The following TPO variants were observed in gnomAD, a reference collection of about 807,000 sequenced individuals.
TPO encodes thyroid peroxidase, also known as thyroid microsomal antigen.
Under a neutral mutation model 96.9 loss-of-function variants are expected in TPO, and 78 were observed. The ratio of observed to expected loss-of-function variants is 0.81; its 90% CI spans 0.67 to 0.97. The LOEUF is 0.97. TPO is among the 50% of genes least tolerant of loss of function. TPO has a pLI of 0.00. For synonymous variants in TPO, 547 were observed against 538.0 expected (o/e 1.02, Z -0.23); for missense variants, 1,252 against 1,274.8 (o/e 0.98, Z 0.27).
At chr2:1,510,447 G>A (rs984887035) in intron 14 of TPO, among the ~76,000 whole-genome samples, 8 of 152,124 alleles carry the variant, frequency 5.3e-5, no homozygotes, top group African/African-American at 1.9e-4. Flanking sequence ...TTCTACTGCT[G>A]TACTCCAGCT....
At chr2:1,495,688 T>A (rs542157781) in intron 11 of TPO, among the ~76,000 whole-genome samples, 3 of 152,194 alleles carry the variant, frequency 2.0e-5, no homozygotes, top group Non-Finnish European at 4.4e-5. Flanking sequence ...CTCCTTCGGG[T>A]CCTCAGTACC....
intron 10 of TPO, among the ~76,000 whole-genome samples, chr2:1,488,512 G>A (rs1014437183): frequency 6.6e-6 from 1 of 151,986 alleles, no homozygotes; most frequent in Non-Finnish European, 1.5e-5. Flanking sequence ...CCTTTCCCAG[G>A]CCCCACCCGG....
chr2:1,433,355 A>C (rs1205996221), intron 3 of TPO, 83 bp from the exon 4 acceptor site: 1 of 1,546,758 alleles, frequency 6.5e-7, no homozygotes, highest in South Asian at 1.2e-5. Flanking sequence ...TACTCAATAA[A>C]TGTCTGCTTA....
intron 14 of TPO, among the ~76,000 whole-genome samples, chr2:1,513,027 C>G (rs1573495442): frequency 6.6e-6 from 1 of 152,352 alleles, no homozygotes; most frequent in African/African-American, 2.4e-5. Context: ...CCCGTGCAAG[C>G]AGCCGTCAGT....
chr2:1,538,986 A>G (rs10188260), intron 15 of TPO, among the ~76,000 whole-genome samples: 93,690 of 151,690 alleles, frequency 0.62, 29,358 homozygotes, highest in African/African-American at 0.73. Context: ...GCGTGTCTGT[A>G]TTCAAATGCC....
Position 1,503,976 on chromosome 2 carries a change from C to T in TPO, c.2415C>T (p.His805=), listed in dbSNP as rs780183572. The T allele has an allele frequency of 7.6e-5, 123 of 1,613,740 alleles. No homozygotes were observed. Among genetic ancestry groups the T allele is most frequent in the Non-Finnish European group, 1.0e-4 (122 of 1,179,908 alleles). Residue 805 remains histidine (H), a synonymous_variant, in exon 14 of 17, where the codon CAC becomes CAT. Coordinates refer to ENST00000329066, the MANE Select transcript of TPO (RefSeq NM_001206744.2). ...TGAACGAGTGTGCAGACGGTGCCCA[C>T]CCCCCCTGCCACGCCTCTGCGAGGT... is the stretch of plus-strand genomic sequence containing the variant. ...KDVNECADGA[H]PPCHASARCR...
chr2:1,446,087 C>T (rs576122123), intron 5 of TPO, among the ~76,000 whole-genome samples: 5 of 152,058 alleles, frequency 3.3e-5, no homozygotes, highest in African/African-American at 1.2e-4. Flanking sequence ...GACAGGTGGC[C>T]GAGTCTTCCA....
intron 8 of TPO, among the ~76,000 whole-genome samples, chr2:1,481,439 T>G (rs1670632034): frequency 6.6e-6 from 1 of 152,144 alleles, no homozygotes; most frequent in Non-Finnish European, 1.5e-5. Flanking sequence ...GGCCATCAGA[T>G]AGCAGACCTA....
chr2:1,537,064 G>GCCACTGTGTGGAACTTCAATTCCCC (rs1558440019), intron 15 of TPO, among the ~76,000 whole-genome samples: 16 of 16,532 alleles, frequency 9.7e-4, no homozygotes, highest in Non-Finnish European at 1.2e-3. Flanking sequence ...CCAAATCCCT[G>GCCACTGTGTGGAACTTCAATTCCCC]CCACTGTGTG....
chr2:1,383,246 T>C (rs988232870), intron 1 of TPO, among the ~76,000 whole-genome samples: 1 of 152,168 alleles, frequency 6.6e-6, no homozygotes, highest in African/African-American at 2.4e-5. Context: ...TACCCAGTAA[T>C]GGGATGGCTG....
At chr2:1,447,618 C>A (rs113528035) in intron 5 of TPO, among the ~76,000 whole-genome samples, 16 of 152,006 alleles carry the variant, frequency 1.1e-4, no homozygotes, top group Non-Finnish European at 1.8e-4. Context: ...CTGACAATAT[C>A]TATAAGTGTT....
At position 1,456,073 on chromosome 2, in the gene TPO, C is replaced by A. The variant is rs1667755780; in HGVS notation, c.613-3C>A. On this transcript the variant is annotated splice_region_variant and splice_polypyrimidine_tract_variant and intron_variant, in intron 6 of 16. Coordinates refer to ENST00000329066, the MANE Select transcript of TPO (RefSeq NM_001206744.2). ...TCCTGACCAATGGTCTCTTCCTACC[C>A]AGGTCCGGGAGGTGACAAGACATGT... 6.2e-7 allele frequency: 1 copy of A among 1,613,454 alleles called. No individual in the cohort carries two copies. The highest frequency in any genetic ancestry group is 8.5e-7 in the Non-Finnish European group (1 of 1,179,822).
At chr2:1,448,038 C>A (rs142288452) in intron 5 of TPO, among the ~76,000 whole-genome samples, 89 of 152,300 alleles carry the variant, frequency 5.8e-4, no homozygotes, top group Non-Finnish European at 1.2e-3. Context: ...GGATTCTGTA[C>A]AGCAGGAAGA....
chr2:1,542,146 T>C (rs1680833827), intron 16 of TPO: 2 of 570,202 alleles, frequency 3.5e-6, no homozygotes, highest in African/African-American at 3.8e-5. Flanking sequence ...TCAGCACGGC[T>C]TCTTCCTGAA....
At chr2:1,469,337 C>A (rs1479365638) in intron 7 of TPO, among the ~76,000 whole-genome samples, 1 of 152,174 alleles carries the variant, frequency 6.6e-6, no homozygotes, top group Non-Finnish European at 1.5e-5. Flanking sequence ...TGGGTAGTCT[C>A]TGTCAGAGGG....
At chr2:1,514,734 G>A (rs149873868) in intron 14 of TPO, among the ~76,000 whole-genome samples, 10 of 152,316 alleles carry the variant, frequency 6.6e-5, no homozygotes, top group East Asian at 1.9e-4. Flanking sequence ...GGTTCCAAGC[G>A]GATTTACTGG....
At position 1,530,849 on chromosome 2, in the gene TPO, C is replaced by G. The variant is rs187432603; in HGVS notation, c.2619-9745C>G. Among the ~76,000 whole-genome samples the G allele has an allele frequency of 5.0e-3, 632 of 127,606 alleles. 33 individuals carry two copies. The highest frequency in any genetic ancestry group is 0.016 in the African/African-American group (519 of 31,844). 83.7% of individuals were successfully genotyped at this position (127,606 alleles called of 152,430 possible). ...ATCCCTTCACTGCGTGCAACCTCCC[C>G]AAATACCCCCACTGTGTGCAACCTC... On this transcript the variant is annotated intron_variant, in intron 15 of 16. Coordinates refer to ENST00000329066, the MANE Select transcript of TPO (RefSeq NM_001206744.2).
At chr2:1,382,408 C>T (rs1429702605) in intron 1 of TPO, among the ~76,000 whole-genome samples, 1 of 152,164 alleles carries the variant, frequency 6.6e-6, no homozygotes, top group Admixed American at 6.5e-5. Context: ...GAGAAGGGGG[C>T]GCACACCCCT....
intron 4 of TPO, among the ~76,000 whole-genome samples, chr2:1,435,757 A>G (rs911252215): frequency 2.6e-5 from 4 of 152,226 alleles, no homozygotes; most frequent in Non-Finnish European, 5.9e-5. Context: ...ATACAAAGGA[A>G]AAACGAAAGG....
Sources: allele counts gnomAD v4.1 joint callset (sites outside exome capture counted in the v4.1 genomes callset), GRCh38; gene constraint gnomAD v4.1.1; transcripts MANE v1.5; gene names NCBI Gene and HGNC (gene_info 2026-07-23, HGNC 2026-07-21).